The following LRRC20 variants were observed in gnomAD, a reference collection of about 807,000 sequenced individuals.
LRRC20 encodes the protein leucine rich repeat containing 20.
Under a neutral mutation model 14.4 loss-of-function variants are expected in LRRC20, and 11 were observed. The observed-to-expected ratio is 0.77, with a 90% CI of 0.48 to 1.27. LRRC20 has a LOEUF of 1.27. Among genes scored for constraint, LRRC20 ranks in the 50% most tolerant of loss-of-function variants. The pLI is 0.00. For synonymous variants in LRRC20, 121 were observed against 107.3 expected (o/e 1.13, Z -0.79); for missense variants, 219 against 251.2 (o/e 0.87, Z 0.87).
chr10:70,309,503 C>T (rs1329650163), intron 4 of LRRC20, among the ~76,000 whole-genome samples: 2 of 152,210 alleles, frequency 1.3e-5, no homozygotes, highest in Non-Finnish European at 2.9e-5. Flanking sequence ...CACTGGCCCC[C>T]GGCCCCCAGA....
At chr10:70,325,897 T>G (rs1842297069) in intron 3 of LRRC20, among the ~76,000 whole-genome samples, 1 of 150,540 alleles carries the variant, frequency 6.6e-6, no homozygotes, top group African/African-American at 2.5e-5. Context: ...CCACAAAATA[T>G]GAATTTCATG....
intron 3 of LRRC20, among the ~76,000 whole-genome samples, chr10:70,332,742 G>A (rs1310840124): frequency 6.6e-6 from 1 of 152,180 alleles, no homozygotes; most frequent in African/African-American, 2.4e-5. Context: ...ACCTACCCTT[G>A]GTGGCATATT....
At chr10:70,334,008 G>C (rs1055269524) in intron 3 of LRRC20, among the ~76,000 whole-genome samples, 5 of 152,136 alleles carry the variant, frequency 3.3e-5, no homozygotes, top group Non-Finnish European at 5.9e-5. Context: ...AAATTAGCCA[G>C]GCGTGGTGGC....
chr10:70,346,178 G>A (rs1038101183), intron 2 of LRRC20, among the ~76,000 whole-genome samples: 9 of 152,138 alleles, frequency 5.9e-5, no homozygotes, highest in East Asian at 3.8e-4. Context: ...GCCTGAACCC[G>A]GGAGGCCAAG....
At chr10:70,317,796 GGGCAGCTGGCACT>G (rs1438984681) in intron 4 of LRRC20, among the ~76,000 whole-genome samples, 1 of 152,210 alleles carries the variant, frequency 6.6e-6, no homozygotes, top group East Asian at 1.9e-4. Flanking sequence ...GAAGTTCTGA[GGGCAGCTGGCACT>G]GGCAGGTCAA....
intron 2 of LRRC20, among the ~76,000 whole-genome samples, chr10:70,344,366 T>C (rs1843008058): frequency 6.6e-6 from 1 of 152,040 alleles, no homozygotes; most frequent in South Asian, 2.1e-4. Flanking sequence ...ACAAACAACA[T>C]AAATTAAAAT....
At chr10:70,342,336 T>C (rs1361856042) in intron 2 of LRRC20, among the ~76,000 whole-genome samples, 1 of 151,672 alleles carries the variant, frequency 6.6e-6, no homozygotes, top group Non-Finnish European at 1.5e-5. Context: ...TAAGATTGGA[T>C]TGTGGTGATA....
intron 4 of LRRC20, among the ~76,000 whole-genome samples, chr10:70,307,742 C>A (rs944816055): frequency 6.6e-6 from 1 of 152,226 alleles, no homozygotes; most frequent in African/African-American, 2.4e-5. Flanking sequence ...CAGAAGGATA[C>A]GCCCGGCTTT....
intron 4 of LRRC20, among the ~76,000 whole-genome samples, chr10:70,319,240 T>G (rs1589953329): frequency 6.6e-6 from 1 of 151,320 alleles, no homozygotes; most frequent in East Asian, 1.9e-4. Flanking sequence ...CCAGCTTAAC[T>G]GAAATAATAG....
At chr10:70,335,515 G>T (rs532145806) in intron 3 of LRRC20, among the ~76,000 whole-genome samples, 1 of 152,202 alleles carries the variant, frequency 6.6e-6, no homozygotes, top group Non-Finnish European at 1.5e-5. Context: ...GGAACTCATC[G>T]CTTTGGAGGG....
At chr10:70,301,615 T>A in intron 4 of LRRC20, 107 bp from the exon 5 acceptor site, 3 of 1,343,596 alleles carry the variant, frequency 2.2e-6, no homozygotes, top group Non-Finnish European at 3.1e-6. Context: ...GGGGCAGCTC[T>A]CCATTGCCCA....
chr10:70,361,711 A>G (rs2394725), intron 2 of LRRC20, among the ~76,000 whole-genome samples: 141,455 of 148,920 alleles, frequency 0.95, 67,309 homozygotes, highest in Non-Finnish European at 0.99. Context: ...TCCCTCCCCC[A>G]CCCTCACCCT....
chr10:70,373,444 C>T (rs919742386), intron 2 of LRRC20, among the ~76,000 whole-genome samples: 1 of 152,142 alleles, frequency 6.6e-6, no homozygotes, highest in African/African-American at 2.4e-5. Context: ...AGCCCCCAAG[C>T]AACTAGTATA....
chr10:70,380,898 G>C (rs917967717), intron 1 of LRRC20, among the ~76,000 whole-genome samples: 1 of 152,242 alleles, frequency 6.6e-6, no homozygotes, highest in Non-Finnish European at 1.5e-5. Flanking sequence ...GGATGAGCCT[G>C]ATAGTAGTAA....
chr10:70,357,725 A>T (rs1843583071), intron 2 of LRRC20, among the ~76,000 whole-genome samples: 1 of 152,242 alleles, frequency 6.6e-6, no homozygotes, highest in Admixed American at 6.5e-5. Flanking sequence ...ATCAAAAGTA[A>T]ATCCCACACA....
chr10:70,382,309 G>C (rs1306999223), intron 1 of LRRC20, among the ~76,000 whole-genome samples: 1 of 152,230 alleles, frequency 6.6e-6, no homozygotes, highest in African/African-American at 2.4e-5. Context: ...CGGGGTCCAG[G>C]TGCAGTGAGC....
chr10:70,308,610 TG>T (rs969819920), intron 4 of LRRC20, among the ~76,000 whole-genome samples: 4 of 148,512 alleles, frequency 2.7e-5, no homozygotes, highest in African/African-American at 9.9e-5. Flanking sequence ...CAGCCGGGGT[TG>T]GGGGGTGTGG....
intron 2 of LRRC20, among the ~76,000 whole-genome samples, chr10:70,355,650 G>A (rs1843491441): frequency 2.6e-5 from 4 of 152,140 alleles, no homozygotes; most frequent in Admixed American, 6.5e-5. Context: ...TGTATATTGT[G>A]CAAGAGTTTT....
At chr10:70,374,574 C>T (rs573769978) in intron 2 of LRRC20, among the ~76,000 whole-genome samples, 1 of 152,080 alleles carries the variant, frequency 6.6e-6, no homozygotes, top group Non-Finnish European at 1.5e-5. Context: ...GAACTCCTGG[C>T]CCCAAGCGAT....
Sources: gnomAD v4.1 joint callset for allele counts (sites outside exome capture counted in the v4.1 genomes callset) on GRCh38, gnomAD v4.1.1 for gene constraint, MANE v1.5 for transcripts, NCBI Gene and HGNC (gene_info 2026-07-23, HGNC 2026-07-21) for gene names.